The following TALDO1 variants were observed in gnomAD, a reference collection of about 807,000 sequenced individuals.
TALDO1 encodes the protein transaldolase 1.
A neutral mutation model predicts 38.1 loss-of-function variants in TALDO1; 29 were observed. The ratio of observed to expected loss-of-function variants is 0.76; its 90% CI spans 0.57 to 1.04. The LOEUF is 1.04. Ranked by LOEUF, TALDO1 falls within the 50% of genes least tolerant of loss-of-function variation. The probability of loss-of-function intolerance (pLI) is 0.00; values close to 1 mark genes in which losing one functional copy is unlikely to be tolerated. For synonymous variants in TALDO1, 207 were observed against 176.8 expected (o/e 1.17, Z -1.36); for missense variants, 499 against 438.1 (o/e 1.14, Z -1.24).
intron 1 of TALDO1, among the ~76,000 whole-genome samples, chr11:752,872 T>TCA (rs1202691734): frequency 1.3e-5 from 2 of 152,200 alleles, no homozygotes; most frequent in African/African-American, 4.8e-5. Flanking sequence ...CCCAGACTTG[T>TCA]GACGGGTGGG....
Position 764,184 on chromosome 11 carries a change from C to A in TALDO1, c.836-104C>A, listed in dbSNP as rs1311809443. On this transcript the variant is annotated intron_variant, in intron 6 of 7. Coordinates refer to ENST00000319006, the MANE Select transcript of TALDO1 (RefSeq NM_006755.2). ...AGCCTTGCTGGGGCCAAGGCCTGGC[C>A]CTGGTGGGAGATGCTTGGGTGCAGC... 3.8e-6 allele frequency: 6 copies of A among 1,595,408 alleles called. No individual in the cohort carries two copies. In the African/African-American group the frequency reaches 8.0e-5, roughly 21 times the overall value.
intron 1 of TALDO1, 131 bp downstream of exon 1, chr11:747,709 A>T (rs979811772): frequency 1.3e-6 from 1 of 784,512 alleles, no homozygotes; most frequent in Non-Finnish European, 1.9e-6. Flanking sequence ...TCCGGGAGGA[A>T]TGAGCGCAGG....
intron 1 of TALDO1, among the ~76,000 whole-genome samples, chr11:755,417 T>C (rs1862817784): frequency 6.6e-6 from 1 of 152,296 alleles, no homozygotes; most frequent in East Asian, 1.9e-4. Flanking sequence ...GTGCTGGGAT[T>C]ACAGGCGTGG....
chr11:748,328 G>A (rs571978679), intron 1 of TALDO1, among the ~76,000 whole-genome samples: 2 of 152,334 alleles, frequency 1.3e-5, no homozygotes, highest in African/African-American at 4.8e-5. Flanking sequence ...AAAAGCCGGT[G>A]CCCATGAAAG....
chr11:763,970 C>T (rs757021764), intron 6 of TALDO1, 26 bp downstream of exon 6: 7 of 1,602,542 alleles, frequency 4.4e-6, no homozygotes, highest in Non-Finnish European at 4.2e-6. Flanking sequence ...CCAGCTGTGG[C>T]TCCTGCTCGG....
At chr11:757,733 A>G (rs1221980385) in intron 2 of TALDO1, among the ~76,000 whole-genome samples, 1 of 152,258 alleles carries the variant, frequency 6.6e-6, no homozygotes, top group Non-Finnish European at 1.5e-5. Context: ...GATAGAAAAT[A>G]TAATATTTTG....
In TALDO1 at chr11:758,935, C is replaced by G. The variant is rs1244885972; in HGVS notation, c.222-15C>G. 1.2e-6 allele frequency: 2 copies of G among 1,605,066 alleles called. No individual in the cohort carries two copies. The highest frequency in any genetic ancestry group is 1.7e-4 in the Middle Eastern group (1 of 6,024). ...CAGAAGCTTCTAACCTGCTTTTTTT[C>G]CCTTTGAATTTCAGGTCACAAGAGG... On this transcript the variant is annotated splice_polypyrimidine_tract_variant and intron_variant, in intron 2 of 7. Coordinates refer to ENST00000319006, the MANE Select transcript of TALDO1 (RefSeq NM_006755.2).
intron 1 of TALDO1, 186 bp from the exon 2 acceptor site, chr11:755,693 G>A (rs1267751433): frequency 1.3e-6 from 1 of 765,210 alleles, no homozygotes; most frequent in Non-Finnish European, 2.1e-6. Context: ...CCATCATTAT[G>A]CAAACAGCCG....
At chr11:764,202 G>A (rs1863009005) in intron 6 of TALDO1, 86 bp from the exon 7 acceptor site, 2 of 1,607,610 alleles carry the variant, frequency 1.2e-6, no homozygotes, top group African/African-American at 2.7e-5. Flanking sequence ...GAGATGCTTG[G>A]GTGCAGCAGT....
chr11:754,494 CAG>C (rs1024492784), intron 1 of TALDO1, among the ~76,000 whole-genome samples: 4 of 152,088 alleles, frequency 2.6e-5, no homozygotes, highest in Non-Finnish European at 5.9e-5. Flanking sequence ...ATTTATGAAA[CAG>C]AGTCTCACTC....
intron 4 of TALDO1, 35 bp downstream of exon 4, chr11:760,288 G>C: frequency 6.2e-7 from 1 of 1,611,828 alleles, no homozygotes; most frequent in South Asian, 1.1e-5. Context: ...AGCTCTCAGA[G>C]ATTTTTCCTC....
Position 755,867 on chromosome 11 carries a change from C to T in TALDO1, c.98-12C>T. The T allele has an allele frequency of 6.2e-7, 1 of 1,614,160 alleles. No homozygotes were observed. ...CTCCACTTACTTTGGCTTTTGAAAACTATTTCCCTAGCCATCGACGAGTAC... is the reference window on the plus strand; with the variant it reads ...CTCCACTTACTTTGGCTTTTGAAAATTATTTCCCTAGCCATCGACGAGTAC... On this transcript the variant is annotated splice_polypyrimidine_tract_variant and intron_variant, in intron 1 of 7. Transcript: ENST00000319006.
intron 3 of TALDO1, among the ~76,000 whole-genome samples, chr11:759,605 G>A (rs1397057599): frequency 6.6e-6 from 1 of 151,794 alleles, no homozygotes; most frequent in East Asian, 1.9e-4. Context: ...TTTTGAGACA[G>A]AGTCTCGCTC....
intron 5 of TALDO1, 75 bp downstream of exon 5, chr11:763,594 G>A: frequency 1.3e-6 from 2 of 1,598,010 alleles, no homozygotes; most frequent in Admixed American, 3.3e-5. Flanking sequence ...GCCCGAGACG[G>A]AGCTGCCGCA....
rs1171948690 is a variant in TALDO1, at chr11:763,810, T to C, written c.701T>C (p.Met234Thr). Residue 234 changes from methionine to threonine, a missense_variant, in exon 6 of 8, where the codon ATG (methionine) becomes ACG (threonine). Physicochemically the swap from Met to Thr is moderately conservative, Grantham distance 81. Coordinates refer to ENST00000319006, the MANE Select transcript of TALDO1 (RefSeq NM_006755.2). ...YKKFSYKTIV[M>T]GASFRNTGEI... is the part of the protein sequence containing the mutation. ...AAGTTTAGCTACAAAACCATTGTCA[T>C]GGGCGCCTCCTTCCGCAACACGGGC... The C allele has an allele frequency of 1.1e-5, 17 of 1,614,006 alleles. No homozygotes were observed. Among genetic ancestry groups the C allele is most frequent in the East Asian group, 2.2e-5 (1 of 44,892 alleles).
At chr11:764,492 CGT>C in intron 7 of TALDO1, 59 bp downstream of exon 7, 1 of 1,590,794 alleles carries the variant, frequency 6.3e-7, no homozygotes, top group African/African-American at 1.3e-5. Context: ...CGGGCCTGGG[CGT>C]CGGGGTTCAA....
chr11:759,252 TTTTTTA>T (rs1487485360), intron 3 of TALDO1, among the ~76,000 whole-genome samples, 195 bp downstream of exon 3: 19 of 152,062 alleles, frequency 1.2e-4, no homozygotes, highest in South Asian at 4.2e-4. Flanking sequence ...ATCTCTAGTG[TTTTTTA>T]TTTTTATTTT....
intron 4 of TALDO1, among the ~76,000 whole-genome samples, chr11:762,998 C>G (rs1862965175): frequency 6.6e-6 from 1 of 152,186 alleles, no homozygotes; most frequent in Admixed American, 6.5e-5. Context: ...CCTCCCTTGC[C>G]TTTGTCTATT....
At chr11:758,809 G>A (rs765195164) in intron 2 of TALDO1, 141 bp from the exon 3 acceptor site, 1 of 600,454 alleles carries the variant, frequency 1.7e-6, no homozygotes, top group East Asian at 4.0e-5. Flanking sequence ...GTTTCACCGT[G>A]TTAGCCAGGA....
Sources: gnomAD v4.1 joint callset for allele counts (sites outside exome capture counted in the v4.1 genomes callset) on GRCh38, gnomAD v4.1.1 for gene constraint, MANE v1.5 for transcripts, NCBI Gene and HGNC (gene_info 2026-07-23, HGNC 2026-07-21) for gene names.